Variants in RIMBP2 observed in about 807,000 individuals in gnomAD.
RIMBP2 encodes the protein RIMS-binding protein 2.
RIMBP2 carries 48 observed loss-of-function variants against 118.6 expected under a neutral mutation model. That is an observed-to-expected ratio of 0.40 (90% CI 0.32 to 0.51). The LOEUF (loss-of-function observed/expected upper bound fraction) is 0.51, where lower values mean the gene tolerates loss of function less well. Ranked by LOEUF, RIMBP2 falls within the 20% of genes least tolerant of loss-of-function variation. The probability of loss-of-function intolerance (pLI) is 0.41; values close to 1 mark genes in which losing one functional copy is unlikely to be tolerated. For missense variants in RIMBP2, 1,551 were observed against 1,768.3 expected (o/e 0.88, Z 2.20); for synonymous variants, 762 against 742.9 (o/e 1.03, Z -0.42).
At chr12:130,656,165 C>T (rs985219313) in intron 1 of RIMBP2, among the ~76,000 whole-genome samples, 4 of 152,126 alleles carry the variant, frequency 2.6e-5, no homozygotes, top group Admixed American at 6.5e-5. Flanking sequence ...AGCGAGAGAG[C>T]GAGCCTCGGT....
At chr12:130,692,794 T>C (rs953552983) in intron 1 of RIMBP2, among the ~76,000 whole-genome samples, 7 of 131,112 alleles carry the variant, frequency 5.3e-5, no homozygotes, top group African/African-American at 2.4e-4. Flanking sequence ...TGGAATCAAA[T>C]AGAATGGAAA....
intron 17 of RIMBP2, among the ~76,000 whole-genome samples, chr12:130,415,268 A>G (rs1357429181): frequency 6.6e-6 from 1 of 152,226 alleles, no homozygotes; most frequent in Non-Finnish European, 1.5e-5. Flanking sequence ...AATAAATATG[A>G]TTCACCACAG....
chr12:130,432,870 C>T (rs943900277), intron 14 of RIMBP2, among the ~76,000 whole-genome samples: 1 of 152,208 alleles, frequency 6.6e-6, no homozygotes, highest in Non-Finnish European at 1.5e-5. Flanking sequence ...CTCCAGAACT[C>T]ACCCAGGGCC....
At chr12:130,629,974 TAA>T (rs33932481) in intron 1 of RIMBP2, among the ~76,000 whole-genome samples, 36 of 104,514 alleles carry the variant, frequency 3.4e-4, no homozygotes, top group African/African-American at 1.1e-3. Context: ...AATCAAGCTT[TAA>T]AAAAAAAAAA....
chr12:130,599,102 T>C (rs1566338498), intron 2 of RIMBP2, among the ~76,000 whole-genome samples: 1 of 152,252 alleles, frequency 6.6e-6, no homozygotes, highest in Admixed American at 6.5e-5. Flanking sequence ...TCATACGCAA[T>C]AAGTAAACTT....
In RIMBP2 at chr12:130,710,459, T is replaced by TAC. The variant is rs879729338; in HGVS notation, c.-352+5761_-352+5762dup. Among the ~76,000 whole-genome samples, 155 of 151,598 alleles carry TAC rather than the reference T, an allele frequency of 1.0e-3. 1 individual carries two copies. Among genetic ancestry groups the TAC allele is most frequent in the East Asian group, 9.3e-3 (48 of 5,136 alleles). ...ATACACGCAGGCGCACACACACACA[T>TAC]ACACACACACACGTACACACACACA... On this transcript the variant is annotated intron_variant, in intron 1 of 22. Coordinates refer to ENST00000690449, the MANE Select transcript of RIMBP2 (RefSeq NM_001393629.1). This position sits in a 1 kb window ranked among gnomAD's most constrained non-coding sequence, Gnocchi z 4.3.
chr12:130,484,353 T>C (rs2138259807), intron 4 of RIMBP2, among the ~76,000 whole-genome samples: 1 of 152,318 alleles, frequency 6.6e-6, no homozygotes, highest in East Asian at 1.9e-4. Context: ...CCTTCACACG[T>C]GTTGCTCTCC....
At position 130,511,487 on chromosome 12, in the gene RIMBP2, G is replaced by T. The variant is rs1258172193; in HGVS notation, c.-126-4717C>A. Among the ~76,000 whole-genome samples the T allele has an allele frequency of 2.0e-5, 3 of 152,280 alleles. No homozygotes were observed. The highest frequency in any genetic ancestry group is 4.4e-5 in the Non-Finnish European group (3 of 68,022). On this transcript the variant is annotated intron_variant, in intron 3 of 22. Coordinates refer to ENST00000690449, the MANE Select transcript of RIMBP2 (RefSeq NM_001393629.1). The surrounding 1 kb of genome is among the most constrained non-coding windows in gnomAD (Gnocchi z 4.3). ...GAAAGCCCTAAGCCCCAGTGAGCTGGGTCCCACCCCTCCCTATTCCCCCAA... is the reference window on the plus strand; with the variant it reads ...GAAAGCCCTAAGCCCCAGTGAGCTGTGTCCCACCCCTCCCTATTCCCCCAA...
At chr12:130,418,709 T>G (rs2076245288) in intron 17 of RIMBP2, among the ~76,000 whole-genome samples, 1 of 152,156 alleles carries the variant, frequency 6.6e-6, no homozygotes, top group South Asian at 2.1e-4. Flanking sequence ...TTGGGTGTGG[T>G]CAACATACCC....
At chr12:130,458,442 G>A (rs567725816) in intron 6 of RIMBP2, among the ~76,000 whole-genome samples, 141 of 152,198 alleles carry the variant, frequency 9.3e-4, no homozygotes, top group African/African-American at 2.7e-3. Flanking sequence ...ACTTGGCTTC[G>A]CAGGGCTTGC....
intron 3 of RIMBP2, among the ~76,000 whole-genome samples, chr12:130,514,208 C>T (rs1012010642): frequency 1.3e-5 from 2 of 152,238 alleles, no homozygotes; most frequent in South Asian, 2.1e-4. Flanking sequence ...CTGTCCATGC[C>T]GGGTGAGCTG....
intron 7 of RIMBP2, among the ~76,000 whole-genome samples, chr12:130,455,224 G>A (rs961320957): frequency 2.0e-5 from 3 of 152,246 alleles, no homozygotes; most frequent in Admixed American, 6.5e-5. Flanking sequence ...AAACCGTCTT[G>A]TTTTCCTCCA....
In RIMBP2 at chr12:130,397,693, A is replaced by G; in HGVS notation, c.3901-144T>C. 1.0e-5 allele frequency: 4 copies of G among 394,070 alleles called. No individual in the cohort carries two copies. In the Admixed American group the frequency reaches 1.3e-4, roughly 13 times the overall value. 24.4% of individuals were successfully genotyped at this position (394,070 alleles called of 1,614,324 possible). ...TTCAGTTGTTGAAGTATGCCATGAG[A>G]AGCAAAGGTCCTCTCCCACAGCACG... is the stretch of plus-strand genomic sequence containing the variant. On this transcript the variant is annotated intron_variant, in intron 22 of 22. Coordinates refer to ENST00000690449, the MANE Select transcript of RIMBP2 (RefSeq NM_001393629.1).
intron 2 of RIMBP2, among the ~76,000 whole-genome samples, chr12:130,533,542 A>T (rs765054333): frequency 2.6e-5 from 4 of 152,240 alleles, no homozygotes; most frequent in African/African-American, 7.2e-5. Flanking sequence ...CATTCCATCC[A>T]GTAATTCCAC....
At chr12:130,459,188 G>A (rs1255063965) in intron 6 of RIMBP2, among the ~76,000 whole-genome samples, 2 of 152,048 alleles carry the variant, frequency 1.3e-5, no homozygotes, top group Non-Finnish European at 2.9e-5. Flanking sequence ...GTGCCATGAG[G>A]GAGTTTCTCT....
intron 2 of RIMBP2, among the ~76,000 whole-genome samples, chr12:130,538,827 C>T (rs931109689): frequency 2.0e-5 from 3 of 151,980 alleles, no homozygotes; most frequent in Non-Finnish European, 4.4e-5. Context: ...TGGCTTCCTG[C>T]CCCCACTCTT....
chr12:130,438,335 A>ACCGGGGGGC, intron 12 of RIMBP2, 30 bp downstream of exon 12: 3 of 865,014 alleles, frequency 3.5e-6, no homozygotes, highest in Non-Finnish European at 5.7e-6. Context: ...GGCCTAACAA[A>ACCGGGGGGC]CCCTCCCCAC....
At chr12:130,491,175 T>G (rs1395703418) in intron 4 of RIMBP2, among the ~76,000 whole-genome samples, 1 of 152,242 alleles carries the variant, frequency 6.6e-6, no homozygotes, top group African/African-American at 2.4e-5. Flanking sequence ...TGCTAAGTAC[T>G]GAACACACAT....
intron 2 of RIMBP2, among the ~76,000 whole-genome samples, chr12:130,604,878 G>C (rs772638038): frequency 6.6e-6 from 1 of 151,268 alleles, no homozygotes; most frequent in Non-Finnish European, 1.5e-5. Flanking sequence ...CACCGCGCCC[G>C]GCCTCTTTCT....
Sources: allele counts gnomAD v4.1 joint callset (sites outside exome capture counted in the v4.1 genomes callset), GRCh38; gene constraint gnomAD v4.1.1; non-coding constraint Gnocchi (gnomAD v3.1); transcripts MANE v1.5; gene names NCBI Gene and HGNC (gene_info 2026-07-23, HGNC 2026-07-21).